Variants in FBXW8 observed in about 807,000 individuals in gnomAD.
FBXW8 encodes the protein F-box/WD repeat-containing protein 8.
In FBXW8, 57 loss-of-function variants were observed where a neutral mutation model predicts 65.3. That is an observed-to-expected ratio of 0.87 (90% CI 0.71 to 1.09). The LOEUF (loss-of-function observed/expected upper bound fraction) is 1.09. Ranked by LOEUF, FBXW8 falls within the 50% of genes least tolerant of loss-of-function variation. The pLI is 0.00. For missense variants in FBXW8, 777 were observed against 814.8 expected (o/e 0.95, Z 0.57); for synonymous variants, 308 against 330.2 (o/e 0.93, Z 0.73).
At chr12:116,957,775 C>T (rs530990543) in intron 4 of FBXW8, among the ~76,000 whole-genome samples, 28 of 152,312 alleles carry the variant, frequency 1.8e-4, no homozygotes, top group Admixed American at 9.8e-4. Flanking sequence ...TCGATCATTA[C>T]CCGTTAGGGA....
intron 3 of FBXW8, among the ~76,000 whole-genome samples, chr12:116,947,175 A>G (rs139486296): frequency 6.6e-6 from 1 of 152,168 alleles, no homozygotes; most frequent in East Asian, 1.9e-4. Context: ...TACAAGTTAT[A>G]TACAATCTAG....
At chr12:116,921,363 G>T (rs778969558) in intron 1 of FBXW8, among the ~76,000 whole-genome samples, 4 of 152,192 alleles carry the variant, frequency 2.6e-5, no homozygotes, top group Non-Finnish European at 5.9e-5. Flanking sequence ...GTTAAGAGAC[G>T]AATTGTTTTT....
chr12:116,981,024 G>T (rs1021979389), intron 5 of FBXW8, among the ~76,000 whole-genome samples: 61 of 152,080 alleles, frequency 4.0e-4, no homozygotes, highest in Admixed American at 1.3e-4. Flanking sequence ...ATAGTGCCTT[G>T]GTACAAAACA....
intron 7 of FBXW8, 27 bp downstream of exon 7, chr12:116,988,896 A>C: frequency 6.3e-7 from 1 of 1,577,868 alleles, no homozygotes; most frequent in African/African-American, 1.4e-5. Flanking sequence ...ATATATAATT[A>C]ACAAAAAAGA....
chr12:116,966,503 C>T (rs781374357), intron 5 of FBXW8, among the ~76,000 whole-genome samples: 23 of 152,020 alleles, frequency 1.5e-4, no homozygotes, highest in Non-Finnish European at 2.6e-4. Context: ...GGTGGTCGTG[C>T]TGTTTGTGGA....
At chr12:116,931,582 C>T (rs1881774803) in intron 2 of FBXW8, among the ~76,000 whole-genome samples, 1 of 152,088 alleles carries the variant, frequency 6.6e-6, no homozygotes, top group Non-Finnish European at 1.5e-5. Context: ...TGGTCTTTAG[C>T]TTCCTTGGTT....
At chr12:116,955,407 G>A (rs893923768) in intron 4 of FBXW8, among the ~76,000 whole-genome samples, 3 of 152,134 alleles carry the variant, frequency 2.0e-5, no homozygotes, top group African/African-American at 7.2e-5. Context: ...ATGTTCATAA[G>A]TCACCAGTCT....
rs1398648650 is a variant in FBXW8, at chr12:116,982,182, CT to C, written c.836-3022del. Among the ~76,000 whole-genome samples the C allele has an allele frequency of 2.0e-5, 3 of 152,188 alleles. No individual in the cohort carries two copies. The East Asian group carries it at 5.8e-4, about 29-fold the overall frequency. ...AGCAAAATGGTAGATTAAACCCAAC[CT>C]TATGAATAATCACAGTAAATATAAA... is the stretch of plus-strand genomic sequence containing the variant. On this transcript the variant is annotated intron_variant, in intron 5 of 10. Coordinates refer to ENST00000652555, the MANE Select transcript of FBXW8 (RefSeq NM_153348.3).
At chr12:116,983,502 A>T (rs1042865210) in intron 5 of FBXW8, among the ~76,000 whole-genome samples, 2 of 152,228 alleles carry the variant, frequency 1.3e-5, no homozygotes, top group Non-Finnish European at 2.9e-5. Context: ...AGTCTGGCAA[A>T]GCAGCCCAAA....
rs561751860 is a variant in FBXW8 at position 116,936,894 on chromosome 12, C to G, written c.424-8470C>G. ...TGGGAAGCCTTTGGAGTGCTTTGAGCAGAGGGGTGACAAGGGCTGCCCTAC... is the reference window on the plus strand; with the variant it reads ...TGGGAAGCCTTTGGAGTGCTTTGAGGAGAGGGGTGACAAGGGCTGCCCTAC... On this transcript the variant is annotated intron_variant, in intron 2 of 10. Transcript: ENST00000652555. This position sits in a 1 kb window ranked among gnomAD's most constrained non-coding sequence, Gnocchi z 4.6. Among the ~76,000 whole-genome samples the G allele has an allele frequency of 6.6e-6, 1 of 152,122 alleles. No homozygotes were observed. The highest frequency in any genetic ancestry group is 2.4e-5 in the African/African-American group (1 of 41,488).
intron 7 of FBXW8, among the ~76,000 whole-genome samples, chr12:116,991,929 A>G (rs1446938124): frequency 6.6e-6 from 1 of 152,214 alleles, no homozygotes; most frequent in African/African-American, 2.4e-5. Context: ...CAGGCACCTC[A>G]GCTGCATGAG....
intron 5 of FBXW8, among the ~76,000 whole-genome samples, chr12:116,974,316 G>A (rs182774033): frequency 7.2e-5 from 11 of 152,314 alleles, no homozygotes; most frequent in Admixed American, 5.9e-4. Context: ...AAAGGAGAAG[G>A]CACAACAATT....
chr12:116,964,800 A>C lies in FBXW8; in HGVS notation c.781A>C (p.Asn261His). ...DEEDEPGMQPNVSFVRINSSL... is the reference protein window; with the variant it reads ...DEEDEPGMQPHVSFVRINSSL... ...GGAGGATGAGCCTGGAATGCAGCCA[A>C]ATGTCTCCTTTGTGAGGATAAACAG... Residue 261 changes from asparagine to histidine, a missense_variant, in exon 5 of 11, where the codon AAT becomes CAT. Coordinates refer to ENST00000652555, the MANE Select transcript of FBXW8 (RefSeq NM_153348.3). The C allele has an allele frequency of 6.2e-7, 1 of 1,613,306 alleles. No homozygotes were observed. Among genetic ancestry groups the C allele is most frequent in the Non-Finnish European group, 8.5e-7 (1 of 1,179,972 alleles).
Position 117,028,160 on chromosome 12 carries a change from T to C in FBXW8, c.1785T>C (p.Tyr595=). The C allele has an allele frequency of 6.2e-7, 1 of 1,614,106 alleles. No homozygotes were observed. Among genetic ancestry groups the C allele is most frequent in the Non-Finnish European group, 8.5e-7 (1 of 1,180,000 alleles). Residue 595 remains tyrosine (Y), a synonymous_variant, in exon 11 of 11, where the codon TAT becomes TAC. Transcript: ENST00000652555. This position sits in a 1 kb window ranked among gnomAD's most constrained non-coding sequence, Gnocchi z 4.1. ...ACGACCTCGCACTGGCCTTTCCCTA[T>C]AACCATGTTTAGGGATGTGCCTCAG... The part of the protein sequence containing the change: ...HYYDLALAFP[Y]NHV
intron 1 of FBXW8, among the ~76,000 whole-genome samples, chr12:116,920,949 T>C (rs1321392087): frequency 6.6e-6 from 1 of 152,132 alleles, no homozygotes; most frequent in African/African-American, 2.4e-5. Flanking sequence ...TCTTCTCTCC[T>C]CGCCATGTCC....
At chr12:117,000,093 T>G (rs1953477604) in intron 7 of FBXW8, among the ~76,000 whole-genome samples, 1 of 150,868 alleles carries the variant, frequency 6.6e-6, no homozygotes, top group Admixed American at 6.7e-5. Context: ...GCCATTCTCC[T>G]GCCTCAGCCT....
In FBXW8 at chr12:117,029,107, G is replaced by A. The variant is rs1954303013; in HGVS notation, c.*935G>A. 1 of 152,184 alleles carries A rather than the reference G, an allele frequency of 6.6e-6. No individual in the cohort carries two copies. The highest frequency in any genetic ancestry group is 2.1e-4 in the South Asian group (1 of 4,834). 9.4% of individuals were successfully genotyped at this position (152,184 alleles called of 1,614,324 possible). A position where few individuals can be genotyped will look rare whatever the true frequency, so the allele number is the denominator to read the frequency against. ...ATTTACTTAGTATCGCTAACAAGCT[G>A]GATCCAGTAGATGCGTATGGAATTT... On this transcript the variant is annotated 3_prime_UTR_variant, in exon 11 of 11. Transcript: ENST00000652555.
At chr12:117,000,379 C>A (rs1270017745) in intron 7 of FBXW8, among the ~76,000 whole-genome samples, 1 of 152,252 alleles carries the variant, frequency 6.6e-6, no homozygotes, top group Non-Finnish European at 1.5e-5. Context: ...GTAATACTTA[C>A]CACTGTCATG....
intron 1 of FBXW8, among the ~76,000 whole-genome samples, chr12:116,922,139 C>G (rs1880960091): frequency 1.3e-5 from 2 of 151,994 alleles, no homozygotes; most frequent in Non-Finnish European, 2.9e-5. Context: ...CTATTTCTGA[C>G]TTTTTTTCTT....
Sources: gnomAD v4.1 joint callset for allele counts (sites outside exome capture counted in the v4.1 genomes callset) on GRCh38, gnomAD v4.1.1 for gene constraint, Gnocchi (gnomAD v3.1) non-coding constraint, MANE v1.5 for transcripts, NCBI Gene and HGNC (gene_info 2026-07-23, HGNC 2026-07-21) for gene names.